UNC13B: variants seen among roughly 807,000 people sequenced by gnomAD.
The protein encoded by UNC13B is protein unc-13 homolog B.
UNC13B carries 144 observed loss-of-function variants against 211.0 expected under a neutral mutation model. The ratio of observed to expected loss-of-function variants is 0.68; its 90% CI spans 0.60 to 0.78. UNC13B has a LOEUF of 0.78. UNC13B is among the 30% of genes least tolerant of loss of function. The pLI, the probability that UNC13B is intolerant of heterozygous loss-of-function variation, is 0.00. For missense variants in UNC13B, 1,777 were observed against 2,002.0 expected (o/e 0.89, Z 2.14); for synonymous variants, 709 against 725.8 (o/e 0.98, Z 0.37).
At chr9:35,298,701 A>G (rs988572356) in intron 8 of UNC13B, among the ~76,000 whole-genome samples, 11 of 152,318 alleles carry the variant, frequency 7.2e-5, no homozygotes, top group Admixed American at 2.0e-4. Flanking sequence ...TGTTATATCT[A>G]TAAAGAACAC....
At chr9:35,354,801 G>A (rs955369716) in intron 11 of UNC13B, among the ~76,000 whole-genome samples, 8 of 152,148 alleles carry the variant, frequency 5.3e-5, no homozygotes, top group African/African-American at 1.7e-4. Flanking sequence ...TGGGATGGGA[G>A]TATAAATTGG....
In UNC13B at chr9:35,304,423, T is replaced by G; in HGVS notation, c.5019T>G (p.Ala1673=). ...FKERPCGSED[A]ECTLDLRNQP... ...AAAGGCCGTGTGGTTCTGAAGACGCTGAATGTACATTAGATCTCAGAAATC... is the reference window on the plus strand; with the variant it reads ...AAAGGCCGTGTGGTTCTGAAGACGCGGAATGTACATTAGATCTCAGAAATC... Residue 1673 remains alanine (A), a synonymous_variant, in exon 9 of 40, where the codon GCT becomes GCG. Transcript: ENST00000635942. The G allele has an allele frequency of 2.5e-6, 1 of 398,722 alleles. No homozygotes were observed. The highest frequency in any genetic ancestry group is 4.4e-6 in the Non-Finnish European group (1 of 225,888). 24.7% of individuals were successfully genotyped at this position (398,722 alleles called of 1,614,324 possible).
chr9:35,288,448 C>T (rs1040044613), intron 7 of UNC13B, among the ~76,000 whole-genome samples: 20 of 152,220 alleles, frequency 1.3e-4, no homozygotes, highest in Non-Finnish European at 2.9e-4. Flanking sequence ...ACTGAACATG[C>T]CTTTGCATGC....
At chr9:35,163,014 G>A (rs1166374583) in intron 1 of UNC13B, among the ~76,000 whole-genome samples, 1 of 152,136 alleles carries the variant, frequency 6.6e-6, no homozygotes, top group Non-Finnish European at 1.5e-5. Context: ...CATGGTACGC[G>A]AACTAAGTTC....
chr9:35,252,513 C>T (rs969397700), intron 6 of UNC13B, among the ~76,000 whole-genome samples: 7 of 151,664 alleles, frequency 4.6e-5, no homozygotes, highest in Non-Finnish European at 1.0e-4. Context: ...CACCTTGTTG[C>T]CCAGGCTGGT....
In UNC13B at chr9:35,287,878, T is replaced by A. The variant is rs75086986; in HGVS notation, c.527-7818T>A. Among the ~76,000 whole-genome samples the A allele has an allele frequency of 8.5e-3, 1,287 of 152,118 alleles. 12 individuals are homozygous for A. Among genetic ancestry groups the A allele is most frequent in the African/African-American group, 0.029 (1,217 of 41,486 alleles). ...TACTGGCCATGTTCATTTGAGATGTTCCATAGATATCTCAGAGTCAATATA... is the reference window on the plus strand; with the variant it reads ...TACTGGCCATGTTCATTTGAGATGTACCATAGATATCTCAGAGTCAATATA... On this transcript the variant is annotated intron_variant, in intron 7 of 39. Transcript: ENST00000635942.
chr9:35,265,962 C>T (rs1042222535), intron 7 of UNC13B, among the ~76,000 whole-genome samples: 2 of 152,034 alleles, frequency 1.3e-5, no homozygotes, highest in African/African-American at 4.8e-5. Context: ...GTAGCTGGGA[C>T]CACAGTCATG....
chr9:35,290,149 A>C (rs535702647), intron 7 of UNC13B, among the ~76,000 whole-genome samples: 10 of 152,172 alleles, frequency 6.6e-5, no homozygotes, highest in Non-Finnish European at 1.5e-4. Context: ...TGAATAAAAA[A>C]TATTTTCAAT....
At chr9:35,235,957 T>C (rs923347951) in intron 3 of UNC13B, among the ~76,000 whole-genome samples, 1 of 152,038 alleles carries the variant, frequency 6.6e-6, no homozygotes. Context: ...AAAGAATGGA[T>C]AGACAAAGGC....
intron 11 of UNC13B, among the ~76,000 whole-genome samples, chr9:35,331,924 C>T (rs758147191): frequency 6.6e-6 from 1 of 152,088 alleles, no homozygotes; most frequent in Non-Finnish European, 1.5e-5. Flanking sequence ...TAAGCAACTA[C>T]TCTATGGAAG....
At chr9:35,333,771 T>C (rs1047348904) in intron 11 of UNC13B, among the ~76,000 whole-genome samples, 3 of 152,196 alleles carry the variant, frequency 2.0e-5, no homozygotes, top group African/African-American at 7.2e-5. Flanking sequence ...TCCCTTATGA[T>C]ACATATTAGT....
At chr9:35,319,489 G>A (rs1399386195) in intron 11 of UNC13B, among the ~76,000 whole-genome samples, 2 of 150,066 alleles carry the variant, frequency 1.3e-5, no homozygotes, top group African/African-American at 2.5e-5. Context: ...TTTGCATGAT[G>A]CTGAGATTTG....
chr9:35,353,003 G>C, intron 11 of UNC13B: 1 of 1,232,156 alleles, frequency 8.1e-7, no homozygotes, highest in Non-Finnish European at 1.0e-6. Flanking sequence ...CAAGCTCCTG[G>C]GCTGCGAAGC....
At chr9:35,206,355 A>G (rs1303278203) in intron 1 of UNC13B, among the ~76,000 whole-genome samples, 1 of 152,132 alleles carries the variant, frequency 6.6e-6, no homozygotes, top group East Asian at 1.9e-4. Context: ...CCCAAGAAAA[A>G]TACCCATACA....
intron 1 of UNC13B, among the ~76,000 whole-genome samples, chr9:35,190,700 A>C (rs1229384963): frequency 6.6e-6 from 1 of 152,236 alleles, no homozygotes; most frequent in Non-Finnish European, 1.5e-5. Flanking sequence ...ACTAAAAAGA[A>C]AAAAGACTTT....
At chr9:35,207,749 T>A (rs1479115281) in intron 1 of UNC13B, among the ~76,000 whole-genome samples, 1 of 152,200 alleles carries the variant, frequency 6.6e-6, no homozygotes, top group Non-Finnish European at 1.5e-5. Flanking sequence ...ATGTATATGC[T>A]AGATACAAAA....
At chr9:35,382,095 C>T (rs557633128) in intron 20 of UNC13B, among the ~76,000 whole-genome samples, 1 of 152,230 alleles carries the variant, frequency 6.6e-6, no homozygotes, top group East Asian at 1.9e-4. Context: ...TCAAAGAGAA[C>T]ACTAAACTGC....
intron 8 of UNC13B, 144 bp downstream of exon 8, chr9:35,296,074 A>C (rs1829344877): frequency 1.4e-6 from 1 of 717,588 alleles, no homozygotes; most frequent in Non-Finnish European, 2.3e-6. Context: ...TTTTGTGTAG[A>C]TTATTAGTCT....
chr9:35,250,060 C>T (rs1800370433), intron 6 of UNC13B, among the ~76,000 whole-genome samples: 1 of 151,914 alleles, frequency 6.6e-6, no homozygotes, highest in African/African-American at 2.4e-5. Flanking sequence ...ATCACCACAA[C>T]TCCAAATCAG....
Sources: allele counts gnomAD v4.1 joint callset (sites outside exome capture counted in the v4.1 genomes callset), GRCh38; gene constraint gnomAD v4.1.1; transcripts MANE v1.5; gene names NCBI Gene and HGNC (gene_info 2026-07-23, HGNC 2026-07-21).